CD300E: variants seen among roughly 807,000 people sequenced by gnomAD.
CD300E encodes the protein CD300e molecule, also known as CMRF35-like molecule 2.
Under a neutral mutation model 20.9 loss-of-function variants are expected in CD300E, and 14 were observed. That is an observed-to-expected ratio of 0.67 (90% CI 0.44 to 1.05). The LOEUF is 1.05. CD300E is among the 50% of genes least tolerant of loss of function. The pLI, the probability that CD300E is intolerant of heterozygous loss-of-function variation, is 0.00. For synonymous variants in CD300E, 102 were observed against 103.7 expected, an observed-to-expected ratio of 0.98 and a Z score of 0.10; for missense variants, 237 against 253.9, an observed-to-expected ratio of 0.93 and a Z score of 0.45.
chr17:74,615,366 G>A (rs1166374508), intron 2 of CD300E, among the ~76,000 whole-genome samples: 4 of 152,194 alleles, frequency 2.6e-5, no homozygotes, highest in Admixed American at 2.6e-4. Context: ...CCAGCCCCAG[G>A]AGGATCACCC....
intron 1 of CD300E, among the ~76,000 whole-genome samples, chr17:74,620,950 C>T (rs1016465771): frequency 6.6e-6 from 1 of 150,962 alleles, no homozygotes; most frequent in Non-Finnish European, 1.5e-5. Flanking sequence ...GGCCGAGGCA[C>T]GAGAATTGCT....
Position 74,612,712 on chromosome 17 carries a change from T to TCAGGAG in CD300E, c.553_558dup (p.Leu185_Leu186dup). 6.2e-7 allele frequency: 1 copy of TCAGGAG among 1,613,812 alleles called. No homozygotes were observed. On this transcript the variant is annotated inframe_insertion, in exon 4 of 4. Transcript: ENST00000392619. ...ACCCAGAAGACAGCACCCAGCATGC[T>TCAGGAG]CAGGAGCAGGGGCAGCTTCAGAAGG...
chr17:74,619,772 G>A (rs2030980784), intron 1 of CD300E, among the ~76,000 whole-genome samples: 1 of 152,264 alleles, frequency 6.6e-6, no homozygotes, highest in Middle Eastern at 3.4e-3. Context: ...TAAATCTCCA[G>A]GTTTGGGGGG....
chr17:74,617,997 G>A (rs962014669), intron 1 of CD300E, among the ~76,000 whole-genome samples: 9 of 152,198 alleles, frequency 5.9e-5, no homozygotes, highest in African/African-American at 2.2e-4. Context: ...AGGAAGCCCT[G>A]ATAAGCTTCT....
chr17:74,618,911 C>T (rs1213526480), intron 1 of CD300E, among the ~76,000 whole-genome samples: 3 of 152,128 alleles, frequency 2.0e-5, no homozygotes, highest in Non-Finnish European at 4.4e-5. Flanking sequence ...CTCCTGACCC[C>T]GCACCTTCTG....
chr17:74,620,163 C>G (rs557675609), intron 1 of CD300E, among the ~76,000 whole-genome samples: 15 of 151,138 alleles, frequency 9.9e-5, no homozygotes, highest in Non-Finnish European at 1.9e-4. Flanking sequence ...ATGGTGAAAT[C>G]CTGTCTCTAC....
Position 74,617,348 on chromosome 17 carries a change from T to C in CD300E, c.158A>G (p.Gln53Arg), listed in dbSNP as rs2030925736. 1.9e-6 allele frequency: 3 copies of C among 1,614,234 alleles called. No homozygotes were observed. The highest frequency in any genetic ancestry group is 2.5e-6 in the Non-Finnish European group (3 of 1,180,044). ...KGYNKYWCRGQYDTSCESIVE... is the reference protein window; with the variant it reads ...KGYNKYWCRGRYDTSCESIVE... ...AATGCTCTCACATGACGTGTCGTACTGTCCTCGGCACCAGTACTTGTTATA... is the reference window on the plus strand; with the variant it reads ...AATGCTCTCACATGACGTGTCGTACCGTCCTCGGCACCAGTACTTGTTATA... Residue 53 changes from glutamine (Q) to arginine (R), a missense_variant, in exon 2 of 4, where the codon CAG becomes CGG. Transcript: ENST00000392619.
Position 74,614,017 on chromosome 17 carries a change from C to A in CD300E, c.405G>T (p.Arg135Ser), listed in dbSNP as rs1478309767. ...VYVSPAITTPRRTTHPATPPI... is the reference protein window; with the variant it reads ...VYVSPAITTPSRTTHPATPPI... ...GAGGTGTGGCTGGATGTGTGGTCCT[C>A]CTTGGGGTTGTAATTGCTGTTGGAG... is the stretch of plus-strand genomic sequence containing the variant. Residue 135 changes from arginine to serine, a missense_variant, in exon 3 of 4, where the codon AGG becomes AGT. By Grantham distance (110) the Arg-to-Ser change is moderately radical (BLOSUM62 -1). Transcript: ENST00000392619. 1 of 1,613,912 alleles carries A rather than the reference C, an allele frequency of 6.2e-7. No individual in the cohort carries two copies.
chr17:74,617,314 G>C lies in CD300E; in HGVS notation c.192C>G (p.Thr64=). Residue 64 remains threonine, a synonymous_variant, in exon 2 of 4, where the codon ACC becomes ACG. Transcript: ENST00000392619. The part of the protein sequence containing the change: ...YDTSCESIVE[T]KGEEKVERNG... ...TCCTCTCCACCTTCTCTTCTCCCTT[G>C]GTCTCCACAATGCTCTCACATGACG... 1.2e-6 allele frequency: 2 copies of C among 1,614,096 alleles called. No homozygotes were observed. The highest frequency in any genetic ancestry group is 1.7e-6 in the Non-Finnish European group (2 of 1,180,022).
chr17:74,614,040 G>C lies in CD300E; in HGVS notation c.389-7C>G. On this transcript the variant is annotated splice_polypyrimidine_tract_variant and splice_region_variant and intron_variant, in intron 2 of 3. Coordinates refer to ENST00000392619, the MANE Select transcript of CD300E (RefSeq NM_181449.3). ...CTCCTTGGGGTTGTAATTGCTGTTGGAGATGAAAATGATGCATCAGCCGTG... is the reference window on the plus strand; with the variant it reads ...CTCCTTGGGGTTGTAATTGCTGTTGCAGATGAAAATGATGCATCAGCCGTG... 7 of 1,609,894 alleles carry C rather than the reference G, an allele frequency of 4.3e-6. No homozygotes were observed. The highest frequency in any genetic ancestry group is 6.0e-6 in the Non-Finnish European group (7 of 1,176,410).
intron 1 of CD300E, among the ~76,000 whole-genome samples, chr17:74,619,926 C>A (rs879325528): frequency 3.9e-5 from 6 of 152,128 alleles, no homozygotes; most frequent in African/African-American, 4.8e-5. Context: ...GAAGGTCACC[C>A]TAGAAAAGAA....
intron 1 of CD300E, 103 bp downstream of exon 1, chr17:74,623,479 T>G: frequency 9.0e-7 from 1 of 1,110,412 alleles, no homozygotes; most frequent in Non-Finnish European, 1.3e-6. Flanking sequence ...TATCTTTCCC[T>G]TTTCTGTGGA....
rs1274890641 is a variant in CD300E at position 74,610,858 on chromosome 17, T to A, written c.*1795A>T. 1 of 152,372 alleles carries A rather than the reference T, an allele frequency of 6.6e-6. No homozygotes were observed. Among genetic ancestry groups the A allele is most frequent in the Non-Finnish European group, 1.5e-5 (1 of 68,120 alleles). 9.4% of individuals were successfully genotyped at this position (152,372 alleles called of 1,614,324 possible). ...GGTCTTCTATAAGTGACTATTGTTA[T>A]GAAGATTATTTCCCGCCTCTCTGCT... On this transcript the variant is annotated 3_prime_UTR_variant, in exon 4 of 4. Coordinates refer to ENST00000392619, the MANE Select transcript of CD300E (RefSeq NM_181449.3).
At chr17:74,618,681 G>C (rs1045368188) in intron 1 of CD300E, among the ~76,000 whole-genome samples, 4 of 151,916 alleles carry the variant, frequency 2.6e-5, no homozygotes, top group Non-Finnish European at 5.9e-5. Context: ...CATATGCCTT[G>C]GCAGATGTGT....
intron 3 of CD300E, 36 bp downstream of exon 3, chr17:74,613,889 T>G (rs558210400): frequency 3.4e-6 from 5 of 1,474,552 alleles, no homozygotes; most frequent in South Asian, 1.2e-5. Flanking sequence ...ACCCCAGGGT[T>G]GCTCCCTCCA....
At chr17:74,614,105 T>A in intron 2 of CD300E, 72 bp from the exon 3 acceptor site, 3 of 1,127,950 alleles carry the variant, frequency 2.7e-6, no homozygotes, top group East Asian at 4.8e-5. Flanking sequence ...CGTATGGATG[T>A]CATACAGAAT....
chr17:74,614,961 C>A (rs542482857), intron 2 of CD300E, among the ~76,000 whole-genome samples: 1 of 152,356 alleles, frequency 6.6e-6, no homozygotes, highest in South Asian at 2.1e-4. Context: ...TTCACCGGTG[C>A]CCGACACAGG....
At chr17:74,616,778 G>C (rs1323614908) in intron 2 of CD300E, among the ~76,000 whole-genome samples, 1 of 152,186 alleles carries the variant, frequency 6.6e-6, no homozygotes, top group African/African-American at 2.4e-5. Context: ...TCTGTGAGGA[G>C]GCTGCAAATG....
At chr17:74,618,979 G>T in intron 1 of CD300E, 1 of 436,938 alleles carries the variant, frequency 2.3e-6, no homozygotes, top group Non-Finnish European at 4.8e-6. Context: ...CGCTCTGGAT[G>T]CTGTGCCCTC....
Sources: allele counts gnomAD v4.1 joint callset (sites outside exome capture counted in the v4.1 genomes callset), GRCh38; gene constraint gnomAD v4.1.1; transcripts MANE v1.5; gene names NCBI Gene and HGNC (gene_info 2026-07-23, HGNC 2026-07-21).